SLC35F4: variants seen among roughly 807,000 people sequenced by gnomAD.
SLC35F4 encodes the protein chromosome 14 open reading frame 36.
Under a neutral mutation model 44.2 loss-of-function variants are expected in SLC35F4, and 24 were observed. That is an observed-to-expected ratio of 0.54 (90% confidence interval 0.39 to 0.76). The LOEUF (loss-of-function observed/expected upper bound fraction) is 0.76, where lower values mean the gene tolerates loss of function less well. Ranked by LOEUF, SLC35F4 falls within the 30% of genes least tolerant of loss-of-function variation. The pLI, the probability that SLC35F4 is intolerant of heterozygous loss-of-function variation, is 0.00. For missense variants in SLC35F4, 562 were observed against 586.1 expected (o/e 0.96, Z 0.42); for synonymous variants, 238 against 223.6 (o/e 1.06, Z -0.57).
rs191162447 is a variant in SLC35F4, at chr14:57,690,653, T to C, written c.104-96529A>G. 3.6e-3 allele frequency among the ~76,000 whole-genome samples: 542 copies of C among 152,086 alleles called. 1 individual carries two copies. The highest frequency in any genetic ancestry group is 0.012 in the African/African-American group (505 of 41,502). Reference sequence around the variant, plus strand: ...AAAAATATAATTATACGACTCACCATAACGCAGAATCAGTAGGAGCCCTGA... The same window carrying C: ...AAAAATATAATTATACGACTCACCACAACGCAGAATCAGTAGGAGCCCTGA... On this transcript the variant is annotated intron_variant, in intron 1 of 7. Coordinates refer to ENST00000556826, the MANE Select transcript of SLC35F4 (RefSeq NM_001306087.2).
At chr14:57,773,089 G>T (rs767981114) in intron 1 of SLC35F4, among the ~76,000 whole-genome samples, 2 of 151,930 alleles carry the variant, frequency 1.3e-5, no homozygotes, top group Non-Finnish European at 2.9e-5. Flanking sequence ...TCTGATGATC[G>T]GTGATGTTGA....
chr14:57,606,219 C>G (rs1175502431), intron 1 of SLC35F4, among the ~76,000 whole-genome samples: 1 of 150,452 alleles, frequency 6.6e-6, no homozygotes, highest in African/African-American at 2.4e-5. Flanking sequence ...GAGTATTAAA[C>G]AAAGTTCCAA....
chr14:57,883,200 G>A (rs898732951), intron 1 of SLC35F4, among the ~76,000 whole-genome samples: 1 of 152,162 alleles, frequency 6.6e-6, no homozygotes, highest in Non-Finnish European at 1.5e-5. Context: ...GACTACAGAT[G>A]TGTGAGAAAT....
chr14:57,700,887 C>T (rs1429321229), intron 1 of SLC35F4, among the ~76,000 whole-genome samples: 1 of 152,102 alleles, frequency 6.6e-6, no homozygotes, highest in Non-Finnish European at 1.5e-5. Flanking sequence ...GCCTGGGTGA[C>T]AGAGTGAGAC....
chr14:57,566,608 C>A, intron 6 of SLC35F4, 44 bp from the exon 7 acceptor site: 2 of 1,532,406 alleles, frequency 1.3e-6, no homozygotes, highest in Non-Finnish European at 1.8e-6. Context: ...AGAAATAATA[C>A]GCTGGACTTT....
At chr14:57,634,466 G>A (rs1054433609) in intron 1 of SLC35F4, among the ~76,000 whole-genome samples, 4 of 152,096 alleles carry the variant, frequency 2.6e-5, no homozygotes, top group South Asian at 2.1e-4. Flanking sequence ...TGGGAGTGAC[G>A]TTTGAACTGA....
intron 1 of SLC35F4, among the ~76,000 whole-genome samples, chr14:57,835,789 T>C (rs1474693518): frequency 1.3e-5 from 2 of 152,224 alleles, no homozygotes; most frequent in African/African-American, 4.8e-5. Flanking sequence ...AAAGTTGCCA[T>C]GTTAAAACCT....
chr14:57,803,392 C>G (rs1262872755), intron 1 of SLC35F4, among the ~76,000 whole-genome samples: 1 of 152,072 alleles, frequency 6.6e-6, no homozygotes, highest in African/African-American at 2.4e-5. Flanking sequence ...TGAAAACTGG[C>G]ACAAGACAAG....
chr14:57,760,919 A>G (rs1041448790), intron 1 of SLC35F4, among the ~76,000 whole-genome samples: 1 of 152,124 alleles, frequency 6.6e-6, no homozygotes, highest in Non-Finnish European at 1.5e-5. Flanking sequence ...TGCTCAGAAG[A>G]TCTCTCCATT....
At chr14:57,731,566 T>C (rs2076345657) in intron 1 of SLC35F4, among the ~76,000 whole-genome samples, 1 of 152,218 alleles carries the variant, frequency 6.6e-6, no homozygotes, top group Non-Finnish European at 1.5e-5. Context: ...GAGCAGCAGA[T>C]CCAGGCAAGA....
chr14:57,898,684 A>T (rs531309094), intron 1 of SLC35F4, among the ~76,000 whole-genome samples: 1 of 152,376 alleles, frequency 6.6e-6, no homozygotes, highest in African/African-American at 2.4e-5. Flanking sequence ...ATTAAAGGAC[A>T]GAGAAATGAG....
intron 1 of SLC35F4, among the ~76,000 whole-genome samples, chr14:57,755,434 C>G (rs1169676097): frequency 1.3e-5 from 2 of 152,146 alleles, no homozygotes; most frequent in Admixed American, 6.5e-5. Flanking sequence ...ATGGTCTAAT[C>G]AGTTCAATGT....
intron 1 of SLC35F4, among the ~76,000 whole-genome samples, chr14:57,953,368 C>T (rs1231667994): frequency 6.6e-6 from 1 of 152,158 alleles, no homozygotes; most frequent in African/African-American, 2.4e-5. Context: ...GAAGAAACTG[C>T]ATCAACTAAT....
At chr14:57,778,774 C>G (rs1412741790) in intron 1 of SLC35F4, among the ~76,000 whole-genome samples, 2 of 152,016 alleles carry the variant, frequency 1.3e-5, no homozygotes, top group Non-Finnish European at 2.9e-5. Context: ...CAAGCTCACT[C>G]TCAGACCACA....
intron 1 of SLC35F4, among the ~76,000 whole-genome samples, chr14:57,938,900 G>T (rs1889865529): frequency 2.0e-5 from 3 of 152,160 alleles, no homozygotes; most frequent in South Asian, 4.1e-4. Flanking sequence ...TCAAAACTAG[G>T]ATTTTTGGAA....
intron 1 of SLC35F4, among the ~76,000 whole-genome samples, chr14:57,676,608 T>G (rs1269388642): frequency 1.4e-4 from 21 of 152,082 alleles, no homozygotes; most frequent in Admixed American, 1.4e-3. Flanking sequence ...GCAAAGGATA[T>G]GAATAGACAA....
intron 1 of SLC35F4, among the ~76,000 whole-genome samples, chr14:57,917,352 C>T (rs374595841): frequency 3.9e-5 from 6 of 152,312 alleles, no homozygotes; most frequent in African/African-American, 1.4e-4. Context: ...AGTCACCACA[C>T]CCAGCCCTCT....
chr14:57,865,638 C>T (rs983450933), intron 1 of SLC35F4, 85 bp downstream of exon 1: 10 of 1,150,568 alleles, frequency 8.7e-6, no homozygotes, highest in South Asian at 3.1e-5. Flanking sequence ...CCGTACCGCG[C>T]GCCCGCCCGT....
chr14:57,589,497 C>G lies in SLC35F4; in HGVS notation c.306G>C (p.Gln102His). The G allele has an allele frequency of 6.2e-7, 1 of 1,610,334 alleles. No homozygotes were observed. The highest frequency in any genetic ancestry group is 8.5e-7 in the Non-Finnish European group (1 of 1,178,424). The change falls in exon 3 of 8, where the codon CAG becomes CAC. Residue 102 changes from glutamine to histidine, a missense_variant. Gln to His is a conservative substitution (Grantham distance 24). Transcript: ENST00000556826. ...CTTGGCTGCTGTTCTCAGAATGAGT[C>G]TGTGTCCCATCGTCTGCTGGAAACA... ...RQNRSADDGT[Q>H]THSENSSQEN...
Sources: allele counts gnomAD v4.1 joint callset (sites outside exome capture counted in the v4.1 genomes callset), GRCh38; gene constraint gnomAD v4.1.1; transcripts MANE v1.5; gene names NCBI Gene and HGNC (gene_info 2026-07-23, HGNC 2026-07-21).